The following TMEM82 variants were observed in gnomAD, a reference collection of about 807,000 sequenced individuals.
The protein encoded by TMEM82 is transmembrane protein 82.
A neutral mutation model predicts 29.2 loss-of-function variants in TMEM82; 30 were observed. The observed-to-expected ratio is 1.03, with a 90% confidence interval of 0.77 to 1.39. The LOEUF is 1.39. Among genes scored for constraint, TMEM82 ranks in the 40% most tolerant of loss-of-function variants. The pLI is 0.00. For synonymous variants in TMEM82, 221 were observed against 225.4 expected, an observed-to-expected ratio of 0.98 and a Z score of 0.18; for missense variants, 442 against 447.7, an observed-to-expected ratio of 0.99 and a Z score of 0.12.
chr1:15,742,766 C>T, intron 1 of TMEM82, 69 bp from the exon 2 acceptor site: 6 of 1,552,164 alleles, frequency 3.9e-6, no homozygotes, highest in Non-Finnish European at 5.3e-6. Context: ...CCCCTCTGAC[C>T]CTACCAATGA....
In TMEM82 at chr1:15,743,035, A is replaced by T. The variant is rs757908824; in HGVS notation, c.177A>T (p.Arg59=). The T allele has an allele frequency of 1.3e-6, 2 of 1,599,644 alleles. No individual in the cohort carries two copies. The highest frequency in any genetic ancestry group is 1.7e-6 in the Non-Finnish European group (2 of 1,172,744). ...FVGCANDPQR[R]PEKERLRAQW... is the part of the protein sequence containing the mutation. ...GTCCCCAAAGTGACCCGCAGCGGCG[A>T]CCCGAAAAGGAGCGGCTTCGGGCCC... The change falls in exon 3 of 6, where the codon CGA becomes CGT. Residue 59 remains arginine (R), a synonymous_variant. Transcript: ENST00000375782.
intron 3 of TMEM82, among the ~76,000 whole-genome samples, chr1:15,743,511 C>A (rs2068308923): frequency 6.6e-6 from 1 of 152,248 alleles, no homozygotes; most frequent in Non-Finnish European, 1.5e-5. Flanking sequence ...TAAAGGTTTG[C>A]TCTGATTCCC....
chr1:15,746,923 A>G lies in TMEM82; in HGVS notation c.814A>G (p.Met272Val). The G allele has an allele frequency of 6.2e-7, 1 of 1,608,220 alleles. No homozygotes were observed. The highest frequency in any genetic ancestry group is 8.5e-7 in the Non-Finnish European group (1 of 1,179,758). ...CCAGGTGCAGACGGTGCTGGTGCGC[A>G]TGGGCGGCCTCTTCGTGCTGCTGCT... ...QSQVQTVLVRMGGLFVLLLTV... is the reference protein window; with the variant it reads ...QSQVQTVLVRVGGLFVLLLTV... Residue 272 changes from methionine to valine, a missense_variant, in exon 5 of 6, where the codon ATG (methionine) becomes GTG (valine). Coordinates refer to ENST00000375782, the MANE Select transcript of TMEM82 (RefSeq NM_001013641.3).
Position 15,743,003 on chromosome 1 carries a change from C to A in TMEM82, c.162-17C>A. 2 of 1,598,962 alleles carry A rather than the reference C, an allele frequency of 1.3e-6. No homozygotes were observed. Among genetic ancestry groups the A allele is most frequent in the Non-Finnish European group, 1.7e-6 (2 of 1,171,668 alleles). On this transcript the variant is annotated splice_polypyrimidine_tract_variant and intron_variant, in intron 2 of 5. Coordinates refer to ENST00000375782, the MANE Select transcript of TMEM82 (RefSeq NM_001013641.3). ...GGCAGTTCTGCACCCCTGCCCACACCCATTCTGTCCCCAAAGTGACCCGCA... is the reference window on the plus strand; with the variant it reads ...GGCAGTTCTGCACCCCTGCCCACACACATTCTGTCCCCAAAGTGACCCGCA...
rs758220120 is a variant in TMEM82 at position 15,747,874 on chromosome 1, C to T, written c.*242C>T. 23 of 440,640 alleles carry T rather than the reference C, an allele frequency of 5.2e-5. No homozygotes were observed. The highest frequency in any genetic ancestry group is 8.0e-5 in the Non-Finnish European group (20 of 248,892). 27.3% of individuals were successfully genotyped at this position (440,640 alleles called of 1,614,324 possible). On this transcript the variant is annotated 3_prime_UTR_variant, in exon 6 of 6. Transcript: ENST00000375782. ...CTTGGGGTGGGCAATGATGCAGCCT[C>T]TCAGACCTGCCTTCCTGGGCAGGGG... is the stretch of plus-strand genomic sequence containing the variant.
Position 15,742,824 on chromosome 1 carries a change from C to A in TMEM82, c.89-11C>A. The A allele has an allele frequency of 6.2e-7, 1 of 1,610,602 alleles. No homozygotes were observed. The highest frequency in any genetic ancestry group is 8.5e-7 in the Non-Finnish European group (1 of 1,178,454). The stretch of plus-strand genomic sequence containing the variant: ...GCACGCTGCCTCGCTGCCTCCCTCC[C>A]GCCCCCTCAGGCCTGATCGGGGCCC... On this transcript the variant is annotated splice_polypyrimidine_tract_variant and intron_variant, in intron 1 of 5. Coordinates refer to ENST00000375782, the MANE Select transcript of TMEM82 (RefSeq NM_001013641.3).
rs1393106000 is a variant in TMEM82, at chr1:15,744,051, C to T, written c.337-109C>T. ...GGCTTCATCTGAAGCCGATGTGGCC[C>T]CTTCGGGAACCATCCCCAAGGTCCC... is the stretch of plus-strand genomic sequence containing the variant. On this transcript the variant is annotated intron_variant, in intron 3 of 5. Coordinates refer to ENST00000375782, the MANE Select transcript of TMEM82 (RefSeq NM_001013641.3). The surrounding 1 kb of genome is among the most constrained non-coding windows in gnomAD (Gnocchi z 5.2). The T allele has an allele frequency of 8.7e-7, 1 of 1,150,598 alleles. No individual in the cohort carries two copies. The highest frequency in any genetic ancestry group is 1.2e-6 in the Non-Finnish European group (1 of 842,980). 71.3% of individuals were successfully genotyped at this position (1,150,598 alleles called of 1,614,324 possible). A position where few individuals can be genotyped will look rare whatever the true frequency, so the allele number is the denominator to read the frequency against.
intron 5 of TMEM82, 145 bp from the exon 6 acceptor site, chr1:15,747,401 T>TCACTAG: frequency 1.4e-6 from 1 of 702,630 alleles, no homozygotes; most frequent in Non-Finnish European, 2.5e-6. Flanking sequence ...GTCCTCCAGG[T>TCACTAG]CACTAGCACC....
intron 3 of TMEM82, among the ~76,000 whole-genome samples, chr1:15,743,796 A>AAAAC (rs1309975044): frequency 6.6e-6 from 1 of 151,972 alleles, no homozygotes; most frequent in East Asian, 1.9e-4. Flanking sequence ...TCTAAAAACA[A>AAAAC]AAACAAACAA....
Position 15,743,018 on chromosome 1 carries a change from A to T in TMEM82, c.162-2A>T. Reference sequence around the variant, plus strand: ...CTGCCCACACCCATTCTGTCCCCAAAGTGACCCGCAGCGGCGACCCGAAAA... The same window carrying T: ...CTGCCCACACCCATTCTGTCCCCAATGTGACCCGCAGCGGCGACCCGAAAA... On this transcript the variant is annotated splice_acceptor_variant, in intron 2 of 5. Coordinates refer to ENST00000375782, the MANE Select transcript of TMEM82 (RefSeq NM_001013641.3). LOFTEE classifies it high-confidence loss of function. 6.3e-7 allele frequency: 1 copy of T among 1,597,968 alleles called. No homozygotes were observed. The highest frequency in any genetic ancestry group is 8.5e-7 in the Non-Finnish European group (1 of 1,171,588).
intron 2 of TMEM82, 25 bp from the exon 3 acceptor site, chr1:15,742,995 G>A: frequency 1.2e-6 from 2 of 1,600,438 alleles, no homozygotes; most frequent in Non-Finnish European, 1.7e-6. Context: ...CTGCACCCCT[G>A]CCCACACCCA....
At chr1:15,743,621 C>CCA (rs1470793106) in intron 3 of TMEM82, among the ~76,000 whole-genome samples, 1 of 152,160 alleles carries the variant, frequency 6.6e-6, no homozygotes, top group Non-Finnish European at 1.5e-5. Context: ...AGACTCTGAA[C>CCA]CACCACCCTT....
Position 15,742,538 on chromosome 1 carries a change from T to C in TMEM82, c.-22T>C, listed in dbSNP as rs1373384894. ...TCCTTACGCAGACCTGGCCGGAGGC[T>C]GGGGCTCCTTCCGGGGCTGCCATGT... On this transcript the variant is annotated 5_prime_UTR_variant, in exon 1 of 6. Coordinates refer to ENST00000375782, the MANE Select transcript of TMEM82 (RefSeq NM_001013641.3). 1 of 1,559,534 alleles carries C rather than the reference T, an allele frequency of 6.4e-7. No homozygotes were observed.
chr1:15,746,971 C>A lies in TMEM82; in HGVS notation c.862C>A (p.Leu288Met). ...GCTGACTGTGGGTCGCTGGCTGGAC[C>A]TGCTGGGCATCCTTGTCTCCCTACT... ...LLLTVGRWLD[L>M]LGILVSLLGE... The change falls in exon 5 of 6, where the codon CTG becomes ATG. Residue 288 changes from leucine (L) to methionine (M), a missense_variant. Transcript: ENST00000375782. The A allele has an allele frequency of 6.2e-7, 1 of 1,612,052 alleles. No homozygotes were observed. The highest frequency in any genetic ancestry group is 8.5e-7 in the Non-Finnish European group (1 of 1,179,980).
chr1:15,742,602 C>G lies in TMEM82; in HGVS notation c.43C>G (p.Pro15Ala), dbSNP rs1328494038. 5.6e-6 allele frequency: 9 copies of G among 1,606,750 alleles called. No homozygotes were observed. The highest frequency in any genetic ancestry group is 1.3e-5 in the African/African-American group (1 of 74,788). ...CCTCCCCTCCTGGCTCCCCGGCCTC[C>G]CCTCCCTCGAGTGGGGCTCTAGCCT... ...PSLPSWLPGL[P>A]SLEWGSSLLD... is the part of the protein sequence containing the mutation. Residue 15 changes from proline (P) to alanine (A), a missense_variant, in exon 1 of 6, where the codon CCC (proline) becomes GCC (alanine). By Grantham distance (27) the Pro-to-Ala change is conservative (BLOSUM62 -1). Transcript: ENST00000375782.
intron 4 of TMEM82, among the ~76,000 whole-genome samples, chr1:15,745,631 G>C (rs887949371): frequency 4.0e-5 from 6 of 151,896 alleles, no homozygotes; most frequent in Admixed American, 1.3e-4. Context: ...AGTGGCTCAC[G>C]CCTGTAATCC....
chr1:15,742,979 G>A, intron 2 of TMEM82, 41 bp from the exon 3 acceptor site: 1 of 1,603,256 alleles, frequency 6.2e-7, no homozygotes. Context: ...GTCGAAGGTG[G>A]CAGTTCTGCA....
chr1:15,744,333 C>A lies in TMEM82; in HGVS notation c.510C>A (p.Leu170=). 1 of 1,544,206 alleles carries A rather than the reference C, an allele frequency of 6.5e-7. No individual in the cohort carries two copies. ...TGCTGGGCCTGGGTGCCCGGCGCCTCCACCGCCACGTCTGCCGCCTCTACG... is the reference window on the plus strand; with the variant it reads ...TGCTGGGCCTGGGTGCCCGGCGCCTACACCGCCACGTCTGCCGCCTCTACG... ...ATLLGLGARR[L]HRHVCRLYEL... Residue 170 remains leucine (L), a synonymous_variant, in exon 4 of 6, where the codon CTC becomes CTA. Transcript: ENST00000375782. The surrounding 1 kb of genome is among the most constrained non-coding windows in gnomAD (Gnocchi z 5.2).
chr1:15,745,184 T>C (rs1162787956), intron 4 of TMEM82, among the ~76,000 whole-genome samples: 1 of 151,886 alleles, frequency 6.6e-6, no homozygotes, highest in African/African-American at 2.4e-5. Context: ...GTTGTGGGGA[T>C]TACAGGCACA....
Sources: allele counts gnomAD v4.1 joint callset (sites outside exome capture counted in the v4.1 genomes callset), GRCh38; gene constraint gnomAD v4.1.1; non-coding constraint Gnocchi (gnomAD v3.1); transcripts MANE v1.5; gene names NCBI Gene and HGNC (gene_info 2026-07-23, HGNC 2026-07-21).